ACAD10: variants seen among roughly 807,000 people sequenced by gnomAD.
The protein encoded by ACAD10 is ACAD-10.
ACAD10 carries 112 observed loss-of-function variants against 116.8 expected under a neutral mutation model. The ratio of observed to expected loss-of-function variants is 0.96; its 90% confidence interval spans 0.82 to 1.12. The LOEUF (loss-of-function observed/expected upper bound fraction) is 1.12. Among genes scored for constraint, ACAD10 ranks in the 50% most tolerant of loss-of-function variants. ACAD10 has a pLI of 0.00. For missense variants in ACAD10, 1,259 were observed against 1,350.2 expected (o/e 0.93, Z 1.06); for synonymous variants, 486 against 510.6 (o/e 0.95, Z 0.65).
intron 18 of ACAD10, among the ~76,000 whole-genome samples, chr12:111,752,540 CA>C (rs905398213): frequency 5.3e-5 from 8 of 151,424 alleles, no homozygotes; most frequent in Non-Finnish European, 1.0e-4. Flanking sequence ...CCCCGGGAGG[CA>C]GAGGTTGCAG....
intron 17 of ACAD10, chr12:111,748,924 A>T (rs1889991921): frequency 7.8e-7 from 1 of 1,289,746 alleles, no homozygotes; most frequent in African/African-American, 1.5e-5. Context: ...CTTCAGCTTA[A>T]GGTGGCATTA....
chr12:111,689,286 G>A (rs1887971909), intron 1 of ACAD10, among the ~76,000 whole-genome samples: 1 of 151,760 alleles, frequency 6.6e-6, no homozygotes, highest in South Asian at 2.1e-4. Context: ...ACCTAAAACA[G>A]TGTAAGTACT....
rs191776379 is a variant in ACAD10, at chr12:111,706,784, T to A, written c.531+852T>A. On this transcript the variant is annotated intron_variant, in intron 4 of 20. Transcript: ENST00000313698. ...TTTTTATATATATATATATATATATTTTTTTTTTTGAGACCATCTCACTCT... is the reference window on the plus strand; with the variant it reads ...TTTTTATATATATATATATATATATATTTTTTTTTGAGACCATCTCACTCT... Among the ~76,000 whole-genome samples, 863 of 134,576 alleles carry A rather than the reference T, an allele frequency of 6.4e-3. 4 individuals carry two copies. The highest frequency in any genetic ancestry group is 0.031 in the South Asian group (135 of 4,378). 88.3% of individuals were successfully genotyped at this position (134,576 alleles called of 152,430 possible). A position where few individuals can be genotyped will look rare whatever the true frequency, so the allele number is the denominator to read the frequency against.
intron 2 of ACAD10, among the ~76,000 whole-genome samples, chr12:111,696,352 C>T (rs1289275435): frequency 6.6e-6 from 1 of 152,238 alleles, no homozygotes; most frequent in East Asian, 1.9e-4. Flanking sequence ...CATGCCTCAC[C>T]TGCTGTCTGT....
intron 7 of ACAD10, among the ~76,000 whole-genome samples, chr12:111,718,873 G>A (rs530839378): frequency 2.0e-5 from 3 of 152,102 alleles, no homozygotes; most frequent in South Asian, 2.1e-4. Flanking sequence ...GGGAGGCCGA[G>A]CCAGGTGGAT....
At chr12:111,735,068 A>G (rs1329286966) in intron 11 of ACAD10, among the ~76,000 whole-genome samples, 1 of 151,596 alleles carries the variant, frequency 6.6e-6, no homozygotes, top group Non-Finnish European at 1.5e-5. Context: ...CTAAAAATAC[A>G]AAAAAATTAG....
chr12:111,744,711 G>A lies in ACAD10; in HGVS notation c.1783G>A (p.Asp595Asn). 1.2e-6 allele frequency: 2 copies of A among 1,614,228 alleles called. No individual in the cohort carries two copies. The highest frequency in any genetic ancestry group is 1.7e-6 in the Non-Finnish European group (2 of 1,180,046). ...CGAATTTGTGTCTAACCTGGCGTGG[G>A]ATTTCGCAGTCAAAGAAGGGTTCCG... ...LTEFVSNLAW[D>N]FAVKEGFRVF... is the part of the protein sequence containing the mutation. The change falls in exon 13 of 21, where the codon GAT becomes AAT. Residue 595 changes from aspartate (D) to asparagine (N), a missense_variant. Asp to Asn is a conservative substitution (Grantham distance 23). Coordinates refer to ENST00000313698, the MANE Select transcript of ACAD10 (RefSeq NM_025247.6).
At chr12:111,742,134 T>C (rs1411858483) in intron 12 of ACAD10, among the ~76,000 whole-genome samples, 2 of 152,114 alleles carry the variant, frequency 1.3e-5, no homozygotes, top group Non-Finnish European at 2.9e-5. Flanking sequence ...TTTTGGAAAA[T>C]ATACCAGAAG....
intron 16 of ACAD10, among the ~76,000 whole-genome samples, chr12:111,747,925 C>A (rs1054947821): frequency 1.2e-4 from 19 of 152,156 alleles, no homozygotes; most frequent in Non-Finnish European, 2.8e-4. Flanking sequence ...TATGAGCCCC[C>A]AGCCAGCAAG....
intron 7 of ACAD10, among the ~76,000 whole-genome samples, chr12:111,719,089 C>G (rs570743113): frequency 6.6e-6 from 1 of 151,568 alleles, no homozygotes; most frequent in South Asian, 2.1e-4. Flanking sequence ...CCATGGCACT[C>G]CAGCCTGGGC....
chr12:111,746,356 T>A, intron 14 of ACAD10, 72 bp downstream of exon 14: 1 of 1,474,132 alleles, frequency 6.8e-7, no homozygotes, highest in Non-Finnish European at 9.1e-7. Flanking sequence ...CCTAAACAGA[T>A]AAACCAGATT....
intron 17 of ACAD10, chr12:111,748,825 G>A (rs570542020): frequency 3.2e-5 from 20 of 629,368 alleles, no homozygotes; most frequent in Admixed American, 2.2e-4. Context: ...GGTTTGGTCC[G>A]CTCCCAGTTT....
chr12:111,703,726 T>C (rs985887255), intron 3 of ACAD10, among the ~76,000 whole-genome samples: 2 of 151,958 alleles, frequency 1.3e-5, no homozygotes, highest in African/African-American at 4.8e-5. Context: ...TAATCCCAGC[T>C]ACTTGGGAGG....
chr12:111,755,804 C>T (rs746149911), intron 20 of ACAD10, 59 bp downstream of exon 20: 15 of 1,539,350 alleles, frequency 9.7e-6, no homozygotes, highest in African/African-American at 4.1e-5. Context: ...GCCAAACTCT[C>T]CTATCTTCAG....
intron 8 of ACAD10, chr12:111,721,974 A>G (rs1046128455): frequency 2.8e-6 from 1 of 356,076 alleles, no homozygotes; most frequent in Non-Finnish European, 5.0e-6. Flanking sequence ...CAAAAAATAC[A>G]TATTAATCTA....
chr12:111,710,110 T>G, intron 5 of ACAD10: 1 of 278,110 alleles, frequency 3.6e-6, no homozygotes, highest in South Asian at 2.9e-5. Flanking sequence ...TTTTTTCTCA[T>G]ACAGGGTCTT....
chr12:111,708,252 T>C (rs1431549692), intron 4 of ACAD10, among the ~76,000 whole-genome samples: 1 of 152,158 alleles, frequency 6.6e-6, no homozygotes, highest in Non-Finnish European at 1.5e-5. Context: ...ATCTTAAGAA[T>C]TTATTTTACT....
At chr12:111,699,790 C>T (rs997617729) in intron 2 of ACAD10, among the ~76,000 whole-genome samples, 3 of 151,862 alleles carry the variant, frequency 2.0e-5, no homozygotes, top group African/African-American at 7.3e-5. Context: ...CATGGTAGCA[C>T]GCACCTGTAA....
At chr12:111,721,768 C>T in intron 8 of ACAD10, 29 bp downstream of exon 8, 3 of 1,562,592 alleles carry the variant, frequency 1.9e-6, no homozygotes, top group Non-Finnish European at 1.8e-6. Flanking sequence ...TGCTATTGCA[C>T]TTTCAAGCTA....
Sources: gnomAD v4.1 joint callset for allele counts (sites outside exome capture counted in the v4.1 genomes callset) on GRCh38, gnomAD v4.1.1 for gene constraint, MANE v1.5 for transcripts, NCBI Gene and HGNC (gene_info 2026-07-23, HGNC 2026-07-21) for gene names.